EPB41: variants seen among roughly 807,000 people sequenced by gnomAD.
The protein encoded by EPB41 is protein 4.1.
In EPB41, 65 loss-of-function variants were observed where a neutral mutation model predicts 108.0. The observed-to-expected ratio is 0.60, with a 90% CI of 0.49 to 0.74. The LOEUF is 0.74. EPB41 is among the 30% of genes least tolerant of loss of function. The pLI, the probability that EPB41 is intolerant of heterozygous loss-of-function variation, is 0.00. For synonymous variants in EPB41, 336 were observed against 358.9 expected (o/e 0.94, Z 0.72); for missense variants, 875 against 1,037.0 (o/e 0.84, Z 2.15).
intron 1 of EPB41, among the ~76,000 whole-genome samples, chr1:28,960,985 G>T (rs888462624): frequency 9.0e-5 from 13 of 144,568 alleles, no homozygotes; most frequent in African/African-American, 3.4e-4. Context: ...AGTGAGCCGA[G>T]ATAGTGCCAC....
chr1:28,889,093 C>T (rs2089807668), intron 1 of EPB41, among the ~76,000 whole-genome samples: 1 of 152,238 alleles, frequency 6.6e-6, no homozygotes, highest in African/African-American at 2.4e-5. Flanking sequence ...GACCCTTCCA[C>T]TTTCCTGCTG....
chr1:29,006,276 G>A (rs975101518), intron 4 of EPB41, among the ~76,000 whole-genome samples: 8 of 135,336 alleles, frequency 5.9e-5, no homozygotes, highest in African/African-American at 1.9e-4. Context: ...TCGCTCTGTC[G>A]CCTAGGCTGG....
At chr1:29,084,594 G>A (rs950116926) in intron 16 of EPB41, among the ~76,000 whole-genome samples, 8 of 152,228 alleles carry the variant, frequency 5.3e-5, no homozygotes, top group African/African-American at 1.7e-4. Context: ...AGGAGCAAAT[G>A]TGTGGGTAAT....
chr1:28,895,888 C>A (rs190243482), intron 1 of EPB41, among the ~76,000 whole-genome samples: 8 of 152,332 alleles, frequency 5.3e-5, no homozygotes, highest in Non-Finnish European at 7.3e-5. Flanking sequence ...CAGTACACGG[C>A]TGGTGGGAGC....
In EPB41 at chr1:29,066,458, T is replaced by C. The variant is rs562855053; in HGVS notation, c.2184+1300T>C. ...AAAAGAAATCCTACATCTGAATAAA[T>C]GAATCTATTAAACATTTAATGAAAA... On this transcript the variant is annotated intron_variant, in intron 16 of 20. Coordinates refer to ENST00000343067, the MANE Select transcript of EPB41 (RefSeq NM_001376013.1). Among the ~76,000 whole-genome samples the C allele has an allele frequency of 2.0e-5, 3 of 152,246 alleles. No homozygotes were observed. In the East Asian group the frequency reaches 5.8e-4, roughly 29 times the overall value.
At chr1:29,042,337 A>G (rs1476694681) in intron 11 of EPB41, among the ~76,000 whole-genome samples, 3 of 152,194 alleles carry the variant, frequency 2.0e-5, no homozygotes, top group Admixed American at 1.3e-4. Context: ...ATAGTGGAAG[A>G]AACAAGGCAT....
chr1:29,103,391 G>A (rs569050989), intron 17 of EPB41, among the ~76,000 whole-genome samples: 8 of 152,316 alleles, frequency 5.3e-5, no homozygotes, highest in South Asian at 2.1e-4. Flanking sequence ...GACAGAGCCC[G>A]TGGGCTTTGG....
chr1:28,969,129 A>C (rs1194707827), intron 1 of EPB41, among the ~76,000 whole-genome samples: 3 of 150,046 alleles, frequency 2.0e-5, no homozygotes, highest in Admixed American at 6.6e-5. Flanking sequence ...CTGTCACCCA[A>C]GCTGCGGTGC....
chr1:28,943,379 G>A (rs752851297), intron 1 of EPB41, among the ~76,000 whole-genome samples: 1 of 152,150 alleles, frequency 6.6e-6, no homozygotes, highest in Non-Finnish European at 1.5e-5. Context: ...GAGGCCGGGC[G>A]CTGTGGCTCA....
At chr1:28,904,825 A>G (rs203287) in intron 1 of EPB41, among the ~76,000 whole-genome samples, 18,609 of 151,990 alleles carry the variant, frequency 0.12, 1,566 homozygotes, top group African/African-American at 0.25. Flanking sequence ...CAAGGTCAGG[A>G]GATCGAGACC....
intron 16 of EPB41, among the ~76,000 whole-genome samples, chr1:29,076,038 C>T (rs1016200031): frequency 5.3e-5 from 8 of 152,126 alleles, no homozygotes; most frequent in Admixed American, 4.6e-4. Context: ...AATCTGTTTC[C>T]CTGTAGCTTT....
Position 29,033,229 on chromosome 1 carries a change from A to G in EPB41, c.1349A>G (p.Lys450Arg). 7 of 1,613,972 alleles carry G rather than the reference A, an allele frequency of 4.3e-6. No individual in the cohort carries two copies. The highest frequency in any genetic ancestry group is 1.3e-5 in the African/African-American group (1 of 75,036). Residue 450 changes from lysine (K) to arginine (R), a missense_variant, in exon 9 of 21, where the codon AAG (lysine) becomes AGG (arginine). Around this residue, in one of 3 missense-constraint regions of EPB41, gnomAD observed 519 missense variants for 627.3 expected, o/e 0.83. Transcript: ENST00000343067. ...TATAAACGTAGTAGCTTTTTCATCAAGATTCGGCCTGGAGAGGTACAGAAT... is the reference window on the plus strand; with the variant it reads ...TATAAACGTAGTAGCTTTTTCATCAGGATTCGGCCTGGAGAGGTACAGAAT... Reference protein sequence around the residue: ...ISYKRSSFFIKIRPGEQEQYE... With the variant: ...ISYKRSSFFIRIRPGEQEQYE...
intron 4 of EPB41, among the ~76,000 whole-genome samples, chr1:29,008,027 A>G (rs2096436634): frequency 6.6e-6 from 1 of 152,228 alleles, no homozygotes; most frequent in African/African-American, 2.4e-5. Context: ...CTATTTAAAT[A>G]TATTACAATT....
chr1:28,998,681 ATAT>A (rs1325304749), intron 4 of EPB41, among the ~76,000 whole-genome samples: 2 of 152,210 alleles, frequency 1.3e-5, no homozygotes, highest in Non-Finnish European at 2.9e-5. Flanking sequence ...CACTAGGTTA[ATAT>A]TATTCTTTAA....
At chr1:29,066,996 T>G (rs911012440) in intron 16 of EPB41, among the ~76,000 whole-genome samples, 2 of 151,736 alleles carry the variant, frequency 1.3e-5, no homozygotes, top group South Asian at 4.2e-4. Context: ...TTTTTTAAAT[T>G]TTCAGAATTT....
intron 1 of EPB41, among the ~76,000 whole-genome samples, chr1:28,904,446 A>C (rs898338477): frequency 5.3e-5 from 8 of 152,156 alleles, no homozygotes; most frequent in Non-Finnish European, 1.2e-4. Context: ...AACCCTTTGC[A>C]TTCTCCACAT....
At chr1:28,892,866 C>T (rs368893830) in intron 1 of EPB41, among the ~76,000 whole-genome samples, 13 of 128,292 alleles carry the variant, frequency 1.0e-4, no homozygotes, top group East Asian at 7.0e-4. Context: ...TGTAGTGGTG[C>T]GATCTTGGCT....
chr1:28,901,696 T>C (rs2091338474), intron 1 of EPB41, among the ~76,000 whole-genome samples: 1 of 151,480 alleles, frequency 6.6e-6, no homozygotes, highest in African/African-American at 2.4e-5. Flanking sequence ...ACCACGCCCA[T>C]CTAATTTTTG....
intron 1 of EPB41, chr1:28,902,085 A>G (rs2091373840): frequency 1.2e-6 from 1 of 800,404 alleles, no homozygotes; most frequent in Non-Finnish European, 1.5e-6. Flanking sequence ...TGGGGTGTAA[A>G]CTGATGACTA....
Sources: gnomAD v4.1 joint callset for allele counts (sites outside exome capture counted in the v4.1 genomes callset) on GRCh38, gnomAD v4.1.1 for gene constraint, gnomAD v4.1.1 regional missense constraint, MANE v1.5 for transcripts, NCBI Gene and HGNC (gene_info 2026-07-23, HGNC 2026-07-21) for gene names.